CAP2: variants seen among roughly 807,000 people sequenced by gnomAD.
CAP2 encodes the protein adenylyl cyclase-associated protein 2.
In CAP2, 24 loss-of-function variants were observed where a neutral mutation model predicts 57.7. That is an observed-to-expected ratio of 0.42 (90% CI 0.30 to 0.58). CAP2 has a LOEUF of 0.58. CAP2 is among the 20% of genes least tolerant of loss of function. The pLI is 0.22. For missense variants in CAP2, 501 were observed against 590.3 expected (o/e 0.85, Z 1.57); for synonymous variants, 194 against 207.2 (o/e 0.94, Z 0.55).
intron 2 of CAP2, among the ~76,000 whole-genome samples, chr6:17,424,292 C>A (rs1235665058): frequency 1.3e-5 from 2 of 152,000 alleles, no homozygotes; most frequent in South Asian, 4.2e-4. Flanking sequence ...CCCAGCTACT[C>A]GGGAGGCTGA....
intron 1 of CAP2, among the ~76,000 whole-genome samples, chr6:17,413,572 T>C (rs1204871327): frequency 1.3e-5 from 2 of 152,166 alleles, no homozygotes; most frequent in South Asian, 2.1e-4. Flanking sequence ...AACTGACTGA[T>C]TGAGTGAATG....
intron 7 of CAP2, among the ~76,000 whole-genome samples, chr6:17,517,690 C>T (rs1762301547): frequency 6.6e-6 from 1 of 152,060 alleles, no homozygotes; most frequent in South Asian, 2.1e-4. Flanking sequence ...CACCTGTGGT[C>T]AGGAGTTTGA....
chr6:17,460,638 C>CT (rs927492689), intron 3 of CAP2, among the ~76,000 whole-genome samples: 6 of 151,962 alleles, frequency 3.9e-5, no homozygotes, highest in African/African-American at 9.6e-5. Context: ...ATTTTATAAT[C>CT]TTTTTTTTAA....
At chr6:17,547,840 CAAA>C (rs35831731) in intron 11 of CAP2, among the ~76,000 whole-genome samples, 3 of 112,826 alleles carry the variant, frequency 2.7e-5, no homozygotes, top group Non-Finnish European at 1.8e-5. Context: ...GACTCTGTCT[CAAA>C]AAAAAAAAAA....
intron 7 of CAP2, among the ~76,000 whole-genome samples, chr6:17,526,325 C>T (rs1762508527): frequency 6.6e-6 from 1 of 151,890 alleles, no homozygotes; most frequent in South Asian, 2.1e-4. Flanking sequence ...ACCATGTTGG[C>T]CAGGCTGGTC....
intron 1 of CAP2, 108 bp from the exon 2 acceptor site, chr6:17,421,447 T>A: frequency 9.5e-7 from 1 of 1,053,550 alleles, no homozygotes; most frequent in Non-Finnish European, 1.5e-6. Context: ...AATAAAGCCA[T>A]CCCCAGTGAT....
At chr6:17,531,786 A>G in intron 7 of CAP2, 1 of 574,384 alleles carries the variant, frequency 1.7e-6, no homozygotes, top group Non-Finnish European at 3.1e-6. Flanking sequence ...CTTTTAGGAT[A>G]AAGATACCTG....
At chr6:17,437,457 CA>C (rs1465499777) in intron 3 of CAP2, among the ~76,000 whole-genome samples, 1 of 152,212 alleles carries the variant, frequency 6.6e-6, no homozygotes, top group Non-Finnish European at 1.5e-5. Context: ...TCTGTTTCCC[CA>C]AACTCACCTA....
rs1369645283 is a variant in CAP2, at chr6:17,421,675, A to G, written c.120A>G (p.Ala40=). Reference sequence around the variant, plus strand: ...GCGGGGAAGTCAATGGTGTCATTGCAGGTAGGGTCACAAACTGTTGTCATT... The same window carrying G: ...GCGGGGAAGTCAATGGTGTCATTGCGGGTAGGGTCACAAACTGTTGTCATT... ...GNCGEVNGVI[A]GVAPSVEAFD... Residue 40 remains alanine (A), a splice_region_variant and synonymous_variant, in exon 2 of 13, where the codon GCA becomes GCG. Transcript: ENST00000229922. 5 of 1,614,046 alleles carry G rather than the reference A, an allele frequency of 3.1e-6. No homozygotes were observed. The highest frequency in any genetic ancestry group is 4.2e-6 in the Non-Finnish European group (5 of 1,180,004).
At chr6:17,536,153 G>A in intron 7 of CAP2, 1 of 455,932 alleles carries the variant, frequency 2.2e-6, no homozygotes, top group Non-Finnish European at 4.4e-6. Context: ...GACATCTGAA[G>A]ACAGTGTCAG....
chr6:17,551,670 T>G (rs759715511), intron 12 of CAP2, 66 bp downstream of exon 12: 112 of 1,257,422 alleles, frequency 8.9e-5, no homozygotes, highest in Non-Finnish European at 1.2e-4. Flanking sequence ...TTCTTAGAGA[T>G]TGATTAATCA....
At chr6:17,483,193 A>G (rs1321489909) in intron 4 of CAP2, among the ~76,000 whole-genome samples, 1 of 152,250 alleles carries the variant, frequency 6.6e-6, no homozygotes, top group Non-Finnish European at 1.5e-5. Flanking sequence ...TATGAAGCCT[A>G]TCATACTGTG....
intron 4 of CAP2, among the ~76,000 whole-genome samples, chr6:17,464,342 C>T (rs928245363): frequency 3.9e-5 from 6 of 152,144 alleles, no homozygotes; most frequent in Non-Finnish European, 7.3e-5. Flanking sequence ...TGTAATAACT[C>T]ACTTTGAATT....
chr6:17,412,049 G>A (rs1359279558), intron 1 of CAP2, among the ~76,000 whole-genome samples: 1 of 152,100 alleles, frequency 6.6e-6, no homozygotes, highest in Non-Finnish European at 1.5e-5. Context: ...TCCTGGCCCT[G>A]GTCAGCATTC....
At chr6:17,445,918 CATGAG>C (rs1248522641) in intron 3 of CAP2, among the ~76,000 whole-genome samples, 1 of 152,212 alleles carries the variant, frequency 6.6e-6, no homozygotes, top group African/African-American at 2.4e-5. Context: ...CGGTTTGTAC[CATGAG>C]ATAAGTACAG....
chr6:17,432,449 T>C (rs999859448), intron 3 of CAP2, among the ~76,000 whole-genome samples: 2 of 152,206 alleles, frequency 1.3e-5, no homozygotes, highest in Admixed American at 6.5e-5. Flanking sequence ...AGTTTTCTGT[T>C]CACTGTTTTA....
At chr6:17,426,562 G>GGAAT in intron 2 of CAP2, 28 bp from the exon 3 acceptor site, 1 of 1,539,878 alleles carries the variant, frequency 6.5e-7, no homozygotes, top group South Asian at 1.1e-5. Flanking sequence ...CAACGGCCAG[G>GGAAT]GAATAACAAA....
At chr6:17,533,350 G>A (rs1762695413) in intron 7 of CAP2, among the ~76,000 whole-genome samples, 1 of 152,020 alleles carries the variant, frequency 6.6e-6, no homozygotes, top group Non-Finnish European at 1.5e-5. Context: ...TCCCAGGACA[G>A]CTGAAATTAA....
chr6:17,464,493 C>A (rs1397062657), intron 4 of CAP2, among the ~76,000 whole-genome samples: 2 of 152,142 alleles, frequency 1.3e-5, no homozygotes, highest in African/African-American at 2.4e-5. Flanking sequence ...ACATTCCCAG[C>A]CATGCTTGTG....
Sources: gnomAD v4.1 joint callset for allele counts (sites outside exome capture counted in the v4.1 genomes callset) on GRCh38, gnomAD v4.1.1 for gene constraint, MANE v1.5 for transcripts, NCBI Gene and HGNC (gene_info 2026-07-23, HGNC 2026-07-21) for gene names.